GABRA3: variants seen among roughly 807,000 people sequenced by gnomAD.
GABRA3 encodes gamma-aminobutyric acid type A receptor subunit alpha3.
In GABRA3, 10 loss-of-function variants were observed where a neutral mutation model predicts 30.1. The observed-to-expected ratio is 0.33, with a 90% confidence interval of 0.20 to 0.56. The LOEUF (loss-of-function observed/expected upper bound fraction) is 0.56, where lower values mean the gene tolerates loss of function less well. GABRA3 is among the 20% of genes least tolerant of loss of function. GABRA3 has a pLI of 0.89. For synonymous variants in GABRA3, 151 were observed against 146.8 expected, an observed-to-expected ratio of 1.03 and a Z score of -0.21; for missense variants, 233 against 392.0, an observed-to-expected ratio of 0.59 and a Z score of 3.42.
chrX:152,238,365 C>A (rs1484308954), intron 5 of GABRA3, among the ~76,000 whole-genome samples: 5 of 100,990 alleles, frequency 5.0e-5, no homozygotes, highest in Admixed American at 2.1e-4. Context: ...GGTGGATAAG[C>A]TTTTTGATGT....
intron 1 of GABRA3, among the ~76,000 whole-genome samples, chrX:152,406,592 A>ATATG (rs1392804201): frequency 5.0e-4 from 53 of 105,597 alleles, no homozygotes; most frequent in African/African-American, 1.7e-3. Context: ...ATATATATAT[A>ATATG]TATTTTTATA....
intron 9 of GABRA3, among the ~76,000 whole-genome samples, chrX:152,183,460 C>T (rs192157678): frequency 3.9e-5 from 4 of 102,407 alleles, no homozygotes; most frequent in Admixed American, 3.2e-4. Flanking sequence ...TTTTCTTAGT[C>T]TAAAGGTTTG....
At chrX:152,307,569 T>C (rs999580596) in intron 3 of GABRA3, among the ~76,000 whole-genome samples, 1 of 111,407 alleles carries the variant, frequency 9.0e-6, no homozygotes, top group Non-Finnish European at 1.9e-5. Context: ...AGACTAGACA[T>C]AGCCAGGAAG....
intron 1 of GABRA3, among the ~76,000 whole-genome samples, chrX:152,379,734 T>C (rs1337723678): frequency 8.9e-6 from 1 of 112,025 alleles, no homozygotes; most frequent in Non-Finnish European, 1.9e-5. Context: ...AAGCAAACAA[T>C]AGCCTCTTGA....
intron 4 of GABRA3, among the ~76,000 whole-genome samples, chrX:152,281,826 G>T (rs1939204437): frequency 8.9e-6 from 1 of 112,449 alleles, no homozygotes; most frequent in Admixed American, 9.5e-5. Context: ...TGTGCTAAAT[G>T]CTGGAGAACC....
intron 3 of GABRA3, among the ~76,000 whole-genome samples, chrX:152,344,247 A>G (rs1472208603): frequency 1.8e-5 from 2 of 112,103 alleles, no homozygotes. Flanking sequence ...ACAGAAGCCA[A>G]ATGGAATAGG....
chrX:152,266,851 T>C (rs1466972203), intron 4 of GABRA3, among the ~76,000 whole-genome samples: 1 of 111,378 alleles, frequency 9.0e-6, no homozygotes, highest in East Asian at 2.8e-4. Flanking sequence ...TTTACTGCTA[T>C]ATCTACACCA....
chrX:152,233,500 C>T (rs1347108647), intron 5 of GABRA3, among the ~76,000 whole-genome samples: 2 of 109,225 alleles, frequency 1.8e-5, no homozygotes, highest in Non-Finnish European at 3.8e-5. Context: ...CAATGAGATA[C>T]CATCTCACAC....
intron 3 of GABRA3, among the ~76,000 whole-genome samples, chrX:152,298,036 G>A (rs1454034390): frequency 8.9e-6 from 1 of 112,164 alleles, no homozygotes; most frequent in Non-Finnish European, 1.9e-5. Flanking sequence ...GAGAGCCAGA[G>A]GAGAATAATA....
chrX:152,297,183 C>T (rs1420104288), intron 3 of GABRA3, among the ~76,000 whole-genome samples: 1 of 111,973 alleles, frequency 8.9e-6, no homozygotes. Flanking sequence ...TAGGATTGGA[C>T]AAAGTTCACT....
chrX:152,421,268 T>C (rs1212604143), intron 1 of GABRA3, among the ~76,000 whole-genome samples: 1 of 111,073 alleles, frequency 9.0e-6, no homozygotes, highest in Non-Finnish European at 1.9e-5. Flanking sequence ...AGAAATTTAC[T>C]CGTTTATATC....
intron 3 of GABRA3, among the ~76,000 whole-genome samples, chrX:152,289,736 A>C (rs1032095478): frequency 1.8e-5 from 2 of 109,761 alleles, no homozygotes; most frequent in Admixed American, 9.8e-5. Flanking sequence ...TTCACTGTTA[A>C]ATAATCACCT....
chrX:152,188,088 T>C (rs1042265167), intron 9 of GABRA3, among the ~76,000 whole-genome samples: 1 of 110,302 alleles, frequency 9.1e-6, no homozygotes, highest in African/African-American at 3.3e-5. Flanking sequence ...TTTGGGAAGG[T>C]GGGGGGAAGA....
chrX:152,297,515 T>C (rs1939552164), intron 3 of GABRA3, among the ~76,000 whole-genome samples: 1 of 112,557 alleles, frequency 8.9e-6, no homozygotes, highest in Admixed American at 9.5e-5. Flanking sequence ...TTTTGCTTTT[T>C]CCCTACACTT....
chrX:152,324,130 T>C (rs779991967), intron 3 of GABRA3, among the ~76,000 whole-genome samples: 66 of 112,269 alleles, frequency 5.9e-4, no homozygotes, highest in Non-Finnish European at 9.6e-4. Context: ...GTTGGTGGAA[T>C]CAGACAACAG....
intron 1 of GABRA3, among the ~76,000 whole-genome samples, chrX:152,397,192 A>G (rs1929681739): frequency 8.9e-6 from 1 of 111,958 alleles, no homozygotes; most frequent in Non-Finnish European, 1.9e-5. Context: ...TTTGGCTTCT[A>G]TAAGAGACGG....
chrX:152,349,688 A>G (rs1317143399), intron 2 of GABRA3, among the ~76,000 whole-genome samples: 3 of 97,279 alleles, frequency 3.1e-5, no homozygotes, highest in Non-Finnish European at 6.2e-5. Flanking sequence ...TCAAACCAAC[A>G]AAGATCAAAA....
At chrX:152,286,420 C>G (rs985108693) in intron 3 of GABRA3, among the ~76,000 whole-genome samples, 9 of 110,444 alleles carry the variant, frequency 8.1e-5, no homozygotes, top group African/African-American at 2.6e-4. Flanking sequence ...AAGTCTCACT[C>G]CAGCCCAGCA....
chrX:152,355,215 A>T (rs2124487733), intron 2 of GABRA3, among the ~76,000 whole-genome samples: 1 of 111,321 alleles, frequency 9.0e-6, no homozygotes, highest in East Asian at 2.9e-4. Context: ...ATAGTGTCAT[A>T]TTCCTCCCAA....
Sources: gnomAD v4.1 joint callset for allele counts (sites outside exome capture counted in the v4.1 genomes callset) on GRCh38, gnomAD v4.1.1 for gene constraint, MANE v1.5 for transcripts, NCBI Gene and HGNC (gene_info 2026-07-23, HGNC 2026-07-21) for gene names.